Variants in ZNF267 observed in about 807,000 individuals in gnomAD.
ZNF267 encodes the protein zinc finger protein 267, also known as zinc finger (C2H2).
A neutral mutation model predicts 71.6 loss-of-function variants in ZNF267; 61 were observed. The ratio of observed to expected loss-of-function variants is 0.85; its 90% CI spans 0.69 to 1.05. The LOEUF (loss-of-function observed/expected upper bound fraction) is 1.05. Ranked by LOEUF, ZNF267 falls within the 50% of genes least tolerant of loss-of-function variation. The pLI is 0.00. For missense variants in ZNF267, 852 were observed against 870.0 expected, an observed-to-expected ratio of 0.98 and a Z score of 0.26; for synonymous variants, 288 against 293.2, an observed-to-expected ratio of 0.98 and a Z score of 0.18.
At chr16:31,904,000 TG>T (rs2084065079) in intron 3 of ZNF267, among the ~76,000 whole-genome samples, 1 of 152,246 alleles carries the variant, frequency 6.6e-6, no homozygotes. Context: ...TTGTTCTTGT[TG>T]GTTTCAAAGA....
At position 31,916,547 on chromosome 16, in the gene ZNF267, T is replaced by G; in HGVS notation, c.*66T>G. The G allele has an allele frequency of 6.9e-7, 1 of 1,449,100 alleles. No individual in the cohort carries two copies. The highest frequency in any genetic ancestry group is 9.3e-7 in the Non-Finnish European group (1 of 1,070,192). 89.8% of individuals were successfully genotyped at this position (1,449,100 alleles called of 1,614,324 possible). The stretch of plus-strand genomic sequence containing the variant: ...GTCTTATTGTGCATCAGATAATTTA[T>G]ATGGGAGTGAAACCCTACAAATGTT... On this transcript the variant is annotated 3_prime_UTR_variant, in exon 4 of 4. Transcript: ENST00000300870.
chr16:31,902,392 C>T (rs1402068759), intron 3 of ZNF267, among the ~76,000 whole-genome samples: 1 of 152,034 alleles, frequency 6.6e-6, no homozygotes, highest in Non-Finnish European at 1.5e-5. Flanking sequence ...GGCAGTATGG[C>T]CATTTTCACA....
intron 1 of ZNF267, among the ~76,000 whole-genome samples, chr16:31,883,999 A>G (rs184648090): frequency 1.3e-5 from 2 of 152,338 alleles, no homozygotes; most frequent in Admixed American, 6.5e-5. Context: ...AGATTCAACC[A>G]CTGCACTCCA....
chr16:31,909,120 C>CTTTTTTTTTTTTTTTTTTTTTTTTTTT (rs34409182), intron 3 of ZNF267, among the ~76,000 whole-genome samples: 16 of 45,330 alleles, frequency 3.5e-4, no homozygotes, highest in East Asian at 9.6e-4. Flanking sequence ...CTTTTCTTTT[C>CTTTTTTTTTTTTTTTTTTTTTTTTTTT]TTTTTTTTTT....
In ZNF267 at chr16:31,874,277, G is replaced by T. The variant is rs149992478; in HGVS notation, c.3+308G>T. ...CCCAGATTGTGCGGTGAGGACGGGA[G>T]CGTCTCAGGGGAGACCCAGGTTCGG... On this transcript the variant is annotated intron_variant, in intron 1 of 3. Transcript: ENST00000300870. 9.8e-3 allele frequency: 3,542 copies of T among 362,068 alleles called. 91 individuals are homozygous for T. Among genetic ancestry groups the T allele is most frequent in the Non-Finnish European group, 6.6e-3 (1,297 of 197,976 alleles). 22.4% of individuals were successfully genotyped at this position (362,068 alleles called of 1,614,324 possible).
intron 3 of ZNF267, among the ~76,000 whole-genome samples, chr16:31,898,226 C>T (rs2084014064): frequency 6.6e-6 from 1 of 151,972 alleles, no homozygotes; most frequent in Admixed American, 6.6e-5. Context: ...ATATAATGCC[C>T]TTTCTTGTAT....
chr16:31,875,304 T>C, intron 1 of ZNF267: 1 of 1,288,982 alleles, frequency 7.8e-7, no homozygotes, highest in South Asian at 1.2e-5. Flanking sequence ...CCGCCCAAGG[T>C]ATGGAAATGT....
chr16:31,889,157 G>C (rs371657567), intron 3 of ZNF267, among the ~76,000 whole-genome samples: 2 of 78,054 alleles, frequency 2.6e-5, no homozygotes, highest in South Asian at 1.4e-3. Context: ...AGCTTTTTGA[G>C]TCCTCTCTCT....
intron 3 of ZNF267, chr16:31,894,825 A>T: frequency 2.1e-6 from 1 of 480,918 alleles, no homozygotes. Context: ...TTCTTTAGTA[A>T]GTGCCGTGAA....
intron 3 of ZNF267, among the ~76,000 whole-genome samples, chr16:31,904,566 T>C (rs926895289): frequency 3.9e-5 from 6 of 152,246 alleles, no homozygotes; most frequent in Admixed American, 3.3e-4. Flanking sequence ...CTTTGGATCT[T>C]TGTTGGTTTA....
chr16:31,884,661 A>G (rs760543054), intron 2 of ZNF267, 37 bp downstream of exon 2: 1 of 1,582,632 alleles, frequency 6.3e-7, no homozygotes, highest in South Asian at 1.2e-5. Flanking sequence ...CTAATAACTA[A>G]GAGTTTTATT....
rs748599049 is a variant in ZNF267 at position 31,884,517 on chromosome 16, A to C, written c.23A>C (p.Asp8Ala). 5.6e-6 allele frequency: 9 copies of C among 1,613,972 alleles called. No homozygotes were observed. In the Admixed American group the frequency reaches 1.5e-4, roughly 27 times the overall value. Residue 8 changes from aspartate (D) to alanine (A), a missense_variant, in exon 2 of 4, where the codon GAT becomes GCT. By Grantham distance (126) the Asp-to-Ala change is moderately radical. Transcript: ENST00000300870. Reference sequence around the variant, plus strand: ...TTTCAGGGACTGTTGACATTCAGGGATGTGGCCGTAGAATTCTCTTTGGAG... The same window carrying C: ...TTTCAGGGACTGTTGACATTCAGGGCTGTGGCCGTAGAATTCTCTTTGGAG... MGLLTFR[D>A]VAVEFSLEEW...
intron 2 of ZNF267, 126 bp downstream of exon 2, chr16:31,884,750 G>T: frequency 4.9e-6 from 5 of 1,013,754 alleles, no homozygotes; most frequent in South Asian, 2.1e-5. Context: ...AAAAAATAGG[G>T]GTTTTGTTGA....
In ZNF267 at chr16:31,884,556, T is replaced by C; in HGVS notation, c.62T>C (p.Leu21Pro). ...VEFSLEEWEHLEPAQKNLYQD... is the reference protein window; with the variant it reads ...VEFSLEEWEHPEPAQKNLYQD... ...TTCTCTTTGGAGGAGTGGGAACACC[T>C]GGAACCAGCTCAGAAGAATTTGTAT... Residue 21 changes from leucine (L) to proline (P), a missense_variant, in exon 2 of 4, where the codon CTG becomes CCG. Coordinates refer to ENST00000300870, the MANE Select transcript of ZNF267 (RefSeq NM_003414.6). 1 of 1,614,136 alleles carries C rather than the reference T, an allele frequency of 6.2e-7. No homozygotes were observed. The highest frequency in any genetic ancestry group is 8.5e-7 in the Non-Finnish European group (1 of 1,179,986).
At chr16:31,881,236 T>C (rs1377570725) in intron 1 of ZNF267, among the ~76,000 whole-genome samples, 1 of 152,204 alleles carries the variant, frequency 6.6e-6, no homozygotes, top group Non-Finnish European at 1.5e-5. Flanking sequence ...GTCAAGTTCT[T>C]GTTGGTCAGG....
In ZNF267 at chr16:31,902,807, T is replaced by G. The variant is rs1596625488; in HGVS notation, c.227-11669T>G. Among the ~76,000 whole-genome samples, 2 of 152,290 alleles carry G rather than the reference T, an allele frequency of 1.3e-5. 1 individual carries two copies. Among genetic ancestry groups the G allele is most frequent in the Admixed American group, 1.3e-4 (2 of 15,298 alleles). The stretch of plus-strand genomic sequence containing the variant: ...ATTTCCTTCTCCTGCCTGATTGCCC[T>G]GGCCAGAACTTCCAACACTATGTTG... On this transcript the variant is annotated intron_variant, in intron 3 of 3. Transcript: ENST00000300870.
chr16:31,874,090 C>G, intron 1 of ZNF267, 121 bp downstream of exon 1: 1 of 1,151,182 alleles, frequency 8.7e-7, no homozygotes, highest in South Asian at 1.4e-5. Flanking sequence ...GGCCCCGAGT[C>G]CCAACTGGTG....
At chr16:31,906,595 T>C (rs2084092569) in intron 3 of ZNF267, among the ~76,000 whole-genome samples, 1 of 152,178 alleles carries the variant, frequency 6.6e-6, no homozygotes, top group Non-Finnish European at 1.5e-5. Context: ...GGATATAATC[T>C]CCTGGTGTGC....
chr16:31,879,428 C>T (rs529920598), intron 1 of ZNF267, among the ~76,000 whole-genome samples: 1 of 152,300 alleles, frequency 6.6e-6, no homozygotes, highest in African/African-American at 2.4e-5. Context: ...AGTTTTCTTT[C>T]TTTTCTACCA....
Sources: allele counts gnomAD v4.1 joint callset (sites outside exome capture counted in the v4.1 genomes callset), GRCh38; gene constraint gnomAD v4.1.1; transcripts MANE v1.5; gene names NCBI Gene and HGNC (gene_info 2026-07-23, HGNC 2026-07-21).